Variants in MNAT1 observed in about 807,000 individuals in gnomAD.
MNAT1 encodes the protein MNAT1 component of CDK activating kinase, also known as CDK-activating kinase assembly factor MAT1.
MNAT1 carries 43 observed loss-of-function variants against 42.0 expected under a neutral mutation model. The ratio of observed to expected loss-of-function variants is 1.02; its 90% CI spans 0.80 to 1.32. The LOEUF is 1.32. Ranked by LOEUF, MNAT1 falls within the 40% of genes most tolerant of loss-of-function variation. The pLI is 0.00. For missense variants in MNAT1, 306 were observed against 350.4 expected, an observed-to-expected ratio of 0.87 and a Z score of 1.01; for synonymous variants, 118 against 120.0, an observed-to-expected ratio of 0.98 and a Z score of 0.11.
At chr14:60,809,279 T>G (rs767503905) in intron 4 of MNAT1, among the ~76,000 whole-genome samples, 35 of 152,272 alleles carry the variant, frequency 2.3e-4, no homozygotes, top group Non-Finnish European at 4.6e-4. Context: ...CATTTTGTAT[T>G]TAGAAGAGAC....
At chr14:60,797,276 A>G (rs1024284391) in intron 2 of MNAT1, among the ~76,000 whole-genome samples, 8 of 151,668 alleles carry the variant, frequency 5.3e-5, no homozygotes, top group African/African-American at 1.9e-4. Flanking sequence ...TTAGATTTTG[A>G]TCTTTCATTG....
At chr14:60,764,717 G>A (rs1470068312) in intron 1 of MNAT1, among the ~76,000 whole-genome samples, 5 of 152,118 alleles carry the variant, frequency 3.3e-5, no homozygotes, top group Non-Finnish European at 7.3e-5. Context: ...AATCTCTTCT[G>A]GAACAAGGCA....
intron 4 of MNAT1, among the ~76,000 whole-genome samples, chr14:60,809,806 C>T (rs1410661902): frequency 3.3e-5 from 5 of 152,144 alleles, no homozygotes; most frequent in African/African-American, 1.2e-4. Context: ...GGGATATTGG[C>T]TCACAGTTTT....
chr14:60,961,135 T>A (rs2036582398), intron 7 of MNAT1, among the ~76,000 whole-genome samples: 2 of 152,144 alleles, frequency 1.3e-5, no homozygotes, highest in Admixed American at 6.5e-5. Context: ...GCTGATTTTG[T>A]ATTTTTAGTA....
intron 5 of MNAT1, among the ~76,000 whole-genome samples, chr14:60,818,051 T>C (rs961815631): frequency 1.3e-5 from 2 of 151,980 alleles, no homozygotes; most frequent in African/African-American, 4.8e-5. Flanking sequence ...CCACAGCACT[T>C]TAAAGATGTA....
intron 1 of MNAT1, among the ~76,000 whole-genome samples, chr14:60,777,684 T>G (rs1262462024): frequency 2.0e-5 from 3 of 152,082 alleles, no homozygotes; most frequent in Non-Finnish European, 4.4e-5. Flanking sequence ...TAATAAATAT[T>G]GGGAAAAGGT....
At chr14:60,907,075 T>A (rs140510062) in intron 7 of MNAT1, among the ~76,000 whole-genome samples, 287 of 152,300 alleles carry the variant, frequency 1.9e-3, no homozygotes, top group African/African-American at 6.7e-3. Flanking sequence ...TTTCTATTTT[T>A]AACTCCCCTA....
chr14:60,887,226 G>GT lies in MNAT1; in HGVS notation c.809+7397dup, dbSNP rs1427414128. ...CTGTTTTTTTTTCTTGTTTTTGTTT[G>GT]TTTTTTGTTTTTATTTTATTTTATT... On this transcript the variant is annotated intron_variant, in intron 7 of 7. Transcript: ENST00000261245. Among the ~76,000 whole-genome samples the GT allele has an allele frequency of 8.0e-5, 12 of 150,814 alleles. No individual in the cohort carries two copies. In the South Asian group the frequency reaches 1.9e-3, roughly 24 times the overall value.
chr14:60,957,283 G>A (rs2036503771), intron 7 of MNAT1, among the ~76,000 whole-genome samples: 1 of 152,050 alleles, frequency 6.6e-6, no homozygotes, highest in African/African-American at 2.4e-5. Context: ...TCCTCATCCT[G>A]CTAATAAAGA....
At chr14:60,893,901 T>C (rs1406489349) in intron 7 of MNAT1, among the ~76,000 whole-genome samples, 1 of 152,174 alleles carries the variant, frequency 6.6e-6, no homozygotes, top group Non-Finnish European at 1.5e-5. Flanking sequence ...ACGTTAGTCA[T>C]AGGAGGACCT....
In MNAT1 at chr14:60,969,727, A is replaced by AAC. The variant is rs1292526482; in HGVS notation, c.*1380_*1381dup. On this transcript the variant is annotated 3_prime_UTR_variant, in exon 8 of 8. Coordinates refer to ENST00000261245, the MANE Select transcript of MNAT1 (RefSeq NM_002431.4). ...ATAAATCTGTTCAAAGAATAGTTAGAACATTGAATGTAGAGTTAAGGCTTT... is the reference window on the plus strand; with the variant it reads ...ATAAATCTGTTCAAAGAATAGTTAGAACACATTGAATGTAGAGTTAAGGCTTT... 1 of 152,208 alleles carries AAC rather than the reference A, an allele frequency of 6.6e-6. No individual in the cohort carries two copies. Among genetic ancestry groups the AAC allele is most frequent in the African/African-American group, 2.4e-5 (1 of 41,454 alleles). 9.4% of individuals were successfully genotyped at this position (152,208 alleles called of 1,614,324 possible). A position where few individuals can be genotyped will look rare whatever the true frequency, so the allele number is the denominator to read the frequency against.
At chr14:60,885,679 T>C (rs1374829839) in intron 7 of MNAT1, among the ~76,000 whole-genome samples, 1 of 152,066 alleles carries the variant, frequency 6.6e-6, no homozygotes, top group African/African-American at 2.4e-5. Context: ...GGATGTATAG[T>C]TTGTATAGTT....
chr14:60,794,670 T>C (rs2031953338), intron 1 of MNAT1, among the ~76,000 whole-genome samples: 1 of 140,682 alleles, frequency 7.1e-6, no homozygotes, highest in South Asian at 2.2e-4. Context: ...AATATATATA[T>C]ATATATATAA....
At chr14:60,897,358 A>G (rs2034978410) in intron 7 of MNAT1, among the ~76,000 whole-genome samples, 1 of 152,082 alleles carries the variant, frequency 6.6e-6, no homozygotes, top group South Asian at 2.1e-4. Flanking sequence ...TACATAATTT[A>G]TATATATCTT....
intron 7 of MNAT1, among the ~76,000 whole-genome samples, chr14:60,900,031 T>C (rs2035039816): frequency 6.7e-6 from 1 of 148,508 alleles, no homozygotes; most frequent in African/African-American, 2.5e-5. Flanking sequence ...ACTGTTCTTC[T>C]GACTGGCTGT....
chr14:60,813,137 C>A (rs988411911), intron 5 of MNAT1, among the ~76,000 whole-genome samples: 3 of 152,198 alleles, frequency 2.0e-5, no homozygotes, highest in Non-Finnish European at 2.9e-5. Context: ...TGCCATGTTC[C>A]CCTTGAGGCA....
At chr14:60,873,104 G>A (rs956342377) in intron 6 of MNAT1, among the ~76,000 whole-genome samples, 1 of 151,972 alleles carries the variant, frequency 6.6e-6, no homozygotes, top group African/African-American at 2.4e-5. Context: ...AATGTTTCAT[G>A]GCTGTTTTTT....
intron 7 of MNAT1, among the ~76,000 whole-genome samples, chr14:60,933,202 T>C (rs563136747): frequency 6.6e-6 from 1 of 152,226 alleles, no homozygotes; most frequent in South Asian, 2.1e-4. Context: ...TCTATTTGTA[T>C]TATACTGATT....
At chr14:60,835,481 A>C (rs915026879) in intron 6 of MNAT1, among the ~76,000 whole-genome samples, 3 of 152,116 alleles carry the variant, frequency 2.0e-5, no homozygotes, top group Non-Finnish European at 2.9e-5. Context: ...AAAGGATTTT[A>C]TTTCCTCTTT....
Sources: gnomAD v4.1 joint callset for allele counts (sites outside exome capture counted in the v4.1 genomes callset) on GRCh38, gnomAD v4.1.1 for gene constraint, MANE v1.5 for transcripts, NCBI Gene and HGNC (gene_info 2026-07-23, HGNC 2026-07-21) for gene names.